NCOA7: variants seen among roughly 807,000 people sequenced by gnomAD.
NCOA7 encodes the protein nuclear receptor coactivator 7, also known as 140 kDa estrogen receptor-associated protein.
A neutral mutation model predicts 104.3 loss-of-function variants in NCOA7; 45 were observed. The observed-to-expected ratio is 0.43, with a 90% CI of 0.34 to 0.55. The LOEUF (loss-of-function observed/expected upper bound fraction) is 0.55, where lower values mean the gene tolerates loss of function less well. NCOA7 is among the 20% of genes least tolerant of loss of function. The pLI, the probability that NCOA7 is intolerant of heterozygous loss-of-function variation, is 0.02. For synonymous variants in NCOA7, 398 were observed against 402.3 expected (o/e 0.99, Z 0.13); for missense variants, 1,041 against 1,119.7 (o/e 0.93, Z 1.00).
chr6:125,884,225 T>G (rs1784082246), intron 7 of NCOA7, among the ~76,000 whole-genome samples: 2 of 152,350 alleles, frequency 1.3e-5, no homozygotes, highest in Admixed American at 1.3e-4. Context: ...TGTGTATATA[T>G]AGCACATTTT....
chr6:125,875,341 G>A (rs1783272285), intron 4 of NCOA7: 1 of 171,548 alleles, frequency 5.8e-6, no homozygotes, highest in Non-Finnish European at 1.3e-5. Context: ...ACATTTCTTG[G>A]GTCACGGGTA....
chr6:125,920,842 G>C (rs1050586509), intron 11 of NCOA7, 101 bp from the exon 12 acceptor site: 49 of 1,449,770 alleles, frequency 3.4e-5, no homozygotes, highest in Non-Finnish European at 4.4e-5. Context: ...CTGCCGAAGC[G>C]TCACCTTTTC....
chr6:125,875,515 T>C (rs1006580247), intron 4 of NCOA7: 3 of 152,364 alleles, frequency 2.0e-5, no homozygotes, highest in Non-Finnish European at 4.4e-5. Flanking sequence ...TGGTCCTCCA[T>C]GCTTGGTCGT....
At chr6:125,824,819 C>G (rs1042368212) in intron 2 of NCOA7, among the ~76,000 whole-genome samples, 3 of 152,078 alleles carry the variant, frequency 2.0e-5, no homozygotes, top group African/African-American at 7.2e-5. Flanking sequence ...AGTGCAGTGG[C>G]GTGATCTCGG....
chr6:125,875,135 C>T, intron 4 of NCOA7, 167 bp downstream of exon 4: 1 of 518,318 alleles, frequency 1.9e-6, no homozygotes, highest in Non-Finnish European at 3.5e-6. Context: ...CATATTTTCT[C>T]CCTGGTCAAT....
intron 10 of NCOA7, among the ~76,000 whole-genome samples, chr6:125,905,203 A>ATGATCTT: frequency 6.6e-6 from 1 of 151,464 alleles, no homozygotes; most frequent in African/African-American, 2.4e-5. Flanking sequence ...TTTACAGTGG[A>ATGATCTT]TGATCTTTGA....
At chr6:125,823,882 A>G (rs1371880032) in intron 2 of NCOA7, among the ~76,000 whole-genome samples, 1 of 152,210 alleles carries the variant, frequency 6.6e-6, no homozygotes, top group East Asian at 1.9e-4. Flanking sequence ...ACTGAAATAG[A>G]AAATATCAGA....
chr6:125,908,362 C>T (rs1216985423), intron 10 of NCOA7, among the ~76,000 whole-genome samples: 1 of 152,182 alleles, frequency 6.6e-6, no homozygotes, highest in East Asian at 1.9e-4. Flanking sequence ...ATCTAAGTTT[C>T]AGAATCAGTA....
At position 125,815,127 on chromosome 6, in the gene NCOA7, T is replaced by C. The variant is rs79318464; in HGVS notation, c.-64-164T>C. ...TAACATCTCCATTCTGATTGTAGTT[T>C]CTCCCATGGACATTTGCATTTCATA... is the stretch of plus-strand genomic sequence containing the variant. On this transcript the variant is annotated intron_variant, in intron 1 of 15. Transcript: ENST00000392477. 3,342 of 349,226 alleles carry C rather than the reference T, an allele frequency of 9.6e-3. 25 individuals are homozygous for C. Among genetic ancestry groups the C allele is most frequent in the East Asian group, 0.019 (429 of 22,704 alleles). The allele number at this position is 349,226 out of a possible 1,614,324, so 21.6% of individuals were successfully genotyped here.
chr6:125,922,879 CA>C, intron 13 of NCOA7, 45 bp downstream of exon 13: 1 of 1,570,426 alleles, frequency 6.4e-7, no homozygotes. Context: ...AATAATTTTT[CA>C]AAATTCCCAA....
At chr6:125,867,427 T>C (rs977377718) in intron 3 of NCOA7, among the ~76,000 whole-genome samples, 2 of 152,258 alleles carry the variant, frequency 1.3e-5, no homozygotes, top group Non-Finnish European at 2.9e-5. Flanking sequence ...GTTTCTGATA[T>C]AAGAGCTCAT....
At chr6:125,829,716 T>TATC (rs1379379918) in intron 2 of NCOA7, among the ~76,000 whole-genome samples, 1 of 152,210 alleles carries the variant, frequency 6.6e-6, no homozygotes, top group Non-Finnish European at 1.5e-5. Flanking sequence ...GCTTTAGCTG[T>TATC]ATAGTCATAT....
chr6:125,805,918 C>T (rs1776405478), intron 1 of NCOA7, among the ~76,000 whole-genome samples: 1 of 152,134 alleles, frequency 6.6e-6, no homozygotes. Flanking sequence ...TTTTTTTACA[C>T]ATTGAGTCTC....
chr6:125,883,132 T>G (rs936743567), intron 7 of NCOA7, among the ~76,000 whole-genome samples: 1 of 152,222 alleles, frequency 6.6e-6, no homozygotes, highest in African/African-American at 2.4e-5. Flanking sequence ...GTTGCTTGAT[T>G]GTTTTCTGTG....
At chr6:125,891,870 A>G (rs983642608) in intron 10 of NCOA7, among the ~76,000 whole-genome samples, 1 of 152,196 alleles carries the variant, frequency 6.6e-6, no homozygotes, top group African/African-American at 2.4e-5. Flanking sequence ...GCATTTATGT[A>G]ATATACTCCA....
At chr6:125,849,234 A>G (rs1467824936) in intron 2 of NCOA7, among the ~76,000 whole-genome samples, 1 of 152,236 alleles carries the variant, frequency 6.6e-6, no homozygotes, top group African/African-American at 2.4e-5. Context: ...TTCTGCAGTC[A>G]GTCGGCTAAC....
intron 1 of NCOA7, among the ~76,000 whole-genome samples, chr6:125,810,959 T>G (rs1776944152): frequency 6.6e-6 from 1 of 152,256 alleles, no homozygotes; most frequent in South Asian, 2.1e-4. Flanking sequence ...ATATTTTCAT[T>G]AATATTTTTC....
At chr6:125,919,469 G>A in intron 11 of NCOA7, 1 of 1,595,616 alleles carries the variant, frequency 6.3e-7, no homozygotes, top group South Asian at 1.1e-5. Flanking sequence ...ATAAGGTGCT[G>A]GTGAATTCTC....
chr6:125,790,391 C>T (rs1753166218), upstream of NCOA7, among the ~76,000 whole-genome samples: 1 of 152,250 alleles, frequency 6.6e-6, no homozygotes, highest in Non-Finnish European at 1.5e-5. Context: ...CTCCTAGGTG[C>T]CGCTGCCAGG....
Sources: allele counts gnomAD v4.1 joint callset (sites outside exome capture counted in the v4.1 genomes callset), GRCh38; gene constraint gnomAD v4.1.1; transcripts MANE v1.5; gene names NCBI Gene and HGNC (gene_info 2026-07-23, HGNC 2026-07-21).